PLA2G6: variants seen among roughly 807,000 people sequenced by gnomAD.
The protein encoded by PLA2G6 is 85/88 kDa calcium-independent phospholipase A2.
A neutral mutation model predicts 83.8 loss-of-function variants in PLA2G6; 62 were observed. That is an observed-to-expected ratio of 0.74 (90% CI 0.60 to 0.91). PLA2G6 has a LOEUF of 0.91. Among genes scored for constraint, PLA2G6 ranks in the 40% least tolerant of loss-of-function variants. The pLI, the probability that PLA2G6 is intolerant of heterozygous loss-of-function variation, is 0.00. For missense variants in PLA2G6, 944 were observed against 1,102.0 expected (o/e 0.86, Z 2.03); for synonymous variants, 417 against 449.8 (o/e 0.93, Z 0.92).
chr22:38,112,752 G>C, intron 15 of PLA2G6, 175 bp from the exon 16 acceptor site: 1 of 663,452 alleles, frequency 1.5e-6, no homozygotes, highest in South Asian at 1.6e-5. Context: ...TGGGACTGCA[G>C]GGACTGTCCC....
At chr22:38,139,848 T>G (rs1602160267) in intron 5 of PLA2G6, 134 bp downstream of exon 5, 1 of 726,432 alleles carries the variant, frequency 1.4e-6, no homozygotes, top group Middle Eastern at 3.6e-4. Context: ...ATGAGGCTTG[T>G]GAACCCGGGG....
chr22:38,156,326 C>G (rs765128245), intron 2 of PLA2G6, among the ~76,000 whole-genome samples: 5 of 152,140 alleles, frequency 3.3e-5, no homozygotes, highest in Non-Finnish European at 5.9e-5. Context: ...ATCAGATGAA[C>G]CTATTAGATA....
In PLA2G6 at chr22:38,128,499, C is replaced by T; in HGVS notation, c.1187-69G>A. ...TGATGTCAACATGCAAAGGAGAGGC[C>T]CCTCCTTTCCACACTCCGTCCCCTG... On this transcript the variant is annotated intron_variant, in intron 8 of 16. Coordinates refer to ENST00000332509, the MANE Select transcript of PLA2G6 (RefSeq NM_003560.4). The surrounding 1 kb of genome is among the most constrained non-coding windows in gnomAD (Gnocchi z 4.4). 6.5e-7 allele frequency: 1 copy of T among 1,540,322 alleles called. No individual in the cohort carries two copies. The highest frequency in any genetic ancestry group is 1.7e-5 in the Admixed American group (1 of 57,898).
At position 38,132,961 on chromosome 22, in the gene PLA2G6, G is replaced by A. The variant is rs1204849184; in HGVS notation, c.947C>T (p.Ala316Val). 8.3e-6 allele frequency: 13 copies of A among 1,564,604 alleles called. No individual in the cohort carries two copies. The highest frequency in any genetic ancestry group is 2.4e-5 in the South Asian group (2 of 85,012). ...CGCCACGTGCAGGGCCGTGTTCCCCGCGGAGCTGGTGCTGTTCACGTTGCA... is the reference window on the plus strand; with the variant it reads ...CGCCACGTGCAGGGCCGTGTTCCCCACGGAGCTGGTGCTGTTCACGTTGCA... ...RGCNVNSTSS[A>V]GNTALHVAVM... Residue 316 changes from alanine (A) to valine (V), a missense_variant, in exon 7 of 17, where the codon GCG (alanine) becomes GTG (valine). Ala to Val is a moderately conservative substitution (Grantham distance 64). Transcript: ENST00000332509. This position sits in a 1 kb window ranked among gnomAD's most constrained non-coding sequence, Gnocchi z 5.0.
intron 14 of PLA2G6, 70 bp from the exon 15 acceptor site, chr22:38,113,724 A>C: frequency 2.1e-6 from 3 of 1,444,384 alleles, no homozygotes; most frequent in Non-Finnish European, 2.9e-6. Flanking sequence ...GGGAGCGTCA[A>C]GGGGAGGCCC....
At chr22:38,164,143 T>G (rs985975608) in intron 2 of PLA2G6, among the ~76,000 whole-genome samples, 3 of 152,110 alleles carry the variant, frequency 2.0e-5, no homozygotes, top group Admixed American at 6.5e-5. Context: ...TATGCTATCA[T>G]AGTGTACACA....
chr22:38,168,541 G>C (rs939121751), intron 2 of PLA2G6, among the ~76,000 whole-genome samples: 1 of 152,216 alleles, frequency 6.6e-6, no homozygotes, highest in African/African-American at 2.4e-5. Flanking sequence ...CTATGAGAAC[G>C]GCCATGCCCT....
At chr22:38,174,815 C>A (rs1421069376) in intron 1 of PLA2G6, among the ~76,000 whole-genome samples, 1 of 152,094 alleles carries the variant, frequency 6.6e-6, no homozygotes, top group African/African-American at 2.4e-5. Flanking sequence ...GTGCTGTGAT[C>A]AACGTGAACA....
At chr22:38,133,944 C>T (rs1414603815) in intron 6 of PLA2G6, 2 of 152,316 alleles carry the variant, frequency 1.3e-5, no homozygotes, top group African/African-American at 2.4e-5. Context: ...AAAGTATTGA[C>T]CCTGGGTGTG....
intron 5 of PLA2G6, 46 bp from the exon 6 acceptor site, chr22:38,135,130 C>T (rs757642114): frequency 9.7e-6 from 13 of 1,344,046 alleles, no homozygotes; most frequent in African/African-American, 1.4e-5. Context: ...CTAGGGTCTG[C>T]GTGGCGTGGG....
chr22:38,119,597 G>A (rs1288203934), intron 12 of PLA2G6, among the ~76,000 whole-genome samples: 3 of 152,212 alleles, frequency 2.0e-5, no homozygotes, highest in Admixed American at 1.3e-4. Flanking sequence ...AAACCAAGGC[G>A]GGAGGATCGC....
intron 12 of PLA2G6, among the ~76,000 whole-genome samples, chr22:38,117,206 A>G (rs2087259502): frequency 6.6e-6 from 1 of 152,190 alleles, no homozygotes; most frequent in African/African-American, 2.4e-5. Context: ...ACGAGCGTGG[A>G]CACAAAAATC....
chr22:38,140,318 G>A (rs1303875561), intron 4 of PLA2G6, 149 bp from the exon 5 acceptor site: 7 of 693,652 alleles, frequency 1.0e-5, no homozygotes, highest in African/African-American at 1.8e-5. Flanking sequence ...GACCAGCCTG[G>A]CCAACATGGT....
At chr22:38,127,977 G>A (rs2087971908) in intron 9 of PLA2G6, among the ~76,000 whole-genome samples, 1 of 152,214 alleles carries the variant, frequency 6.6e-6, no homozygotes, top group South Asian at 2.1e-4. Context: ...GGGGACAGGA[G>A]GGCAGTAACA....
chr22:38,136,700 T>C (rs1301306479), intron 5 of PLA2G6: 1 of 150,666 alleles, frequency 6.6e-6, no homozygotes, highest in Non-Finnish European at 1.5e-5. Context: ...ATACTTTCAA[T>C]AGGTGGATTG....
Position 38,128,495 on chromosome 22 carries a change from A to T in PLA2G6, c.1187-65T>A. The T allele has an allele frequency of 6.5e-7, 1 of 1,535,772 alleles. No individual in the cohort carries two copies. Among genetic ancestry groups the T allele is most frequent in the South Asian group, 1.1e-5 (1 of 88,374 alleles). ...GAAATGATGTCAACATGCAAAGGAG[A>T]GGCCCCTCCTTTCCACACTCCGTCC... is the stretch of plus-strand genomic sequence containing the variant. On this transcript the variant is annotated intron_variant, in intron 8 of 16. Coordinates refer to ENST00000332509, the MANE Select transcript of PLA2G6 (RefSeq NM_003560.4). The surrounding 1 kb of genome is among the most constrained non-coding windows in gnomAD (Gnocchi z 4.4).
intron 2 of PLA2G6, chr22:38,149,165 A>G (rs2089436961): frequency 1.3e-5 from 2 of 152,214 alleles, no homozygotes; most frequent in Non-Finnish European, 2.9e-5. Flanking sequence ...GCGCCCGGCC[A>G]TTCCAGATTA....
At chr22:38,175,549 C>T (rs1341227036) in intron 1 of PLA2G6, among the ~76,000 whole-genome samples, 5 of 152,248 alleles carry the variant, frequency 3.3e-5, no homozygotes, top group Non-Finnish European at 4.4e-5. Context: ...CACACATACG[C>T]TCCATCAGCG....
intron 2 of PLA2G6, among the ~76,000 whole-genome samples, chr22:38,156,971 G>C (rs867309705): frequency 6.6e-6 from 1 of 152,074 alleles, no homozygotes; most frequent in Non-Finnish European, 1.5e-5. Flanking sequence ...GTGAGATACA[G>C]GGAAAGAAGT....
Sources: gnomAD v4.1 joint callset for allele counts (sites outside exome capture counted in the v4.1 genomes callset) on GRCh38, gnomAD v4.1.1 for gene constraint, Gnocchi (gnomAD v3.1) non-coding constraint, MANE v1.5 for transcripts, NCBI Gene and HGNC (gene_info 2026-07-23, HGNC 2026-07-21) for gene names.